SDC3: variants seen among roughly 807,000 people sequenced by gnomAD.
SDC3 encodes syndecan-3.
In SDC3, 13 loss-of-function variants were observed where a neutral mutation model predicts 24.4. The ratio of observed to expected loss-of-function variants is 0.53; its 90% CI spans 0.35 to 0.85. The LOEUF is 0.85. Among genes scored for constraint, SDC3 ranks in the 40% least tolerant of loss-of-function variants. SDC3 has a pLI of 0.01. For missense variants in SDC3, 571 were observed against 584.5 expected (o/e 0.98, Z 0.24); for synonymous variants, 295 against 260.9 (o/e 1.13, Z -1.26).
In SDC3 at chr1:30,871,639, C is replaced by T. The variant is rs1639540236; in HGVS notation, c.*1572G>A. ...GGCAGGTGGGCTGAGGTTGGCCTGC[C>T]AGGCAGAGGGCAGAGGGTGCGGAGG... On this transcript the variant is annotated 3_prime_UTR_variant, in exon 5 of 5. Transcript: ENST00000339394. The T allele has an allele frequency of 3.3e-5, 5 of 152,488 alleles. No homozygotes were observed. Among genetic ancestry groups the T allele is most frequent in the African/African-American group, 1.2e-4 (5 of 41,470 alleles). The allele number at this position is 152,488 out of a possible 1,614,324, so 9.4% of individuals were successfully genotyped here. A position where few individuals can be genotyped will look rare whatever the true frequency, so the allele number is the denominator to read the frequency against.
At chr1:30,882,693 G>A (rs1639764023) in intron 1 of SDC3, among the ~76,000 whole-genome samples, 1 of 152,092 alleles carries the variant, frequency 6.6e-6, no homozygotes, top group African/African-American at 2.4e-5. Context: ...GTTCAGGAAG[G>A]CCAGTGCATC....
intron 1 of SDC3, among the ~76,000 whole-genome samples, chr1:30,897,995 G>A (rs1401395741): frequency 2.6e-5 from 4 of 152,118 alleles, no homozygotes; most frequent in Admixed American, 6.5e-5. Flanking sequence ...GTACCCAAAT[G>A]CCTTGGTTTG....
chr1:30,902,736 G>A (rs1638440723), intron 1 of SDC3, among the ~76,000 whole-genome samples: 1 of 152,220 alleles, frequency 6.6e-6, no homozygotes, highest in African/African-American at 2.4e-5. Flanking sequence ...CTGCCCAGAT[G>A]TGGTGGTGGC....
At chr1:30,906,384 C>T (rs1169584405) in intron 1 of SDC3, among the ~76,000 whole-genome samples, 4 of 152,118 alleles carry the variant, frequency 2.6e-5, no homozygotes, top group Non-Finnish European at 4.4e-5. Context: ...ATCTGCCACC[C>T]AACACTGGGT....
At chr1:30,904,200 T>C (rs1411577851) in intron 1 of SDC3, among the ~76,000 whole-genome samples, 2 of 152,180 alleles carry the variant, frequency 1.3e-5, no homozygotes, top group East Asian at 1.9e-4. Flanking sequence ...ACTCCAGCCT[T>C]GGCGATAGAG....
intron 1 of SDC3, among the ~76,000 whole-genome samples, chr1:30,898,808 C>T (rs755928389): frequency 4.5e-4 from 69 of 152,228 alleles, no homozygotes; most frequent in Non-Finnish European, 9.1e-4. Flanking sequence ...ACCATTCACT[C>T]TTCCCATTTA....
In SDC3 at chr1:30,877,025, G is replaced by A. The variant is rs377656744; in HGVS notation, c.397C>T (p.Arg133Cys). 2.1e-5 allele frequency: 34 copies of A among 1,613,676 alleles called. No homozygotes were observed. Among genetic ancestry groups the A allele is most frequent in the Admixed American group, 6.7e-5 (4 of 59,998 alleles). ...CTGGTGGCTGGCTCCAGGGTGGGGC[G>A]CTCAGAGGGGAGCTCTTCAAATGGT... ...GTPFEELPSE[R>C]PTLEPATSPL... The change falls in exon 3 of 5, where the codon CGC becomes TGC. Residue 133 changes from arginine to cysteine, a missense_variant. Coordinates refer to ENST00000339394, the MANE Select transcript of SDC3 (RefSeq NM_014654.4).
intron 3 of SDC3, among the ~76,000 whole-genome samples, chr1:30,875,321 C>T (rs1045408041): frequency 2.0e-5 from 3 of 152,220 alleles, no homozygotes; most frequent in Non-Finnish European, 2.9e-5. Context: ...AATGGCTCCT[C>T]CAGCAACCTG....
chr1:30,908,367 G>C, intron 1 of SDC3, 82 bp downstream of exon 1: 4 of 817,114 alleles, frequency 4.9e-6, no homozygotes, highest in Non-Finnish European at 5.9e-6. Flanking sequence ...TCCCGGAGGG[G>C]GGGTCGCGGG....
chr1:30,887,861 C>T (rs1051990417), intron 1 of SDC3, among the ~76,000 whole-genome samples: 3 of 152,200 alleles, frequency 2.0e-5, no homozygotes, highest in African/African-American at 4.8e-5. Context: ...AGGCCCTGCT[C>T]TTCTCTGGCC....
At chr1:30,895,460 T>C (rs1188705381) in intron 1 of SDC3, among the ~76,000 whole-genome samples, 1 of 152,066 alleles carries the variant, frequency 6.6e-6, no homozygotes, top group Non-Finnish European at 1.5e-5. Context: ...AGAGGCCATG[T>C]AGGGGCTTCA....
intron 3 of SDC3, 32 bp from the exon 4 acceptor site, chr1:30,874,620 C>T (rs777064592): frequency 2.4e-5 from 39 of 1,600,996 alleles, no homozygotes; most frequent in Non-Finnish European, 3.3e-5. Flanking sequence ...CCCAGGACAA[C>T]CACACATGCA....
chr1:30,895,308 A>T (rs1418672118), intron 1 of SDC3, among the ~76,000 whole-genome samples: 1 of 152,200 alleles, frequency 6.6e-6, no homozygotes, highest in Non-Finnish European at 1.5e-5. Context: ...TGGAAAAAGG[A>T]TTACCTGGCC....
In SDC3 at chr1:30,876,664, G is replaced by A; in HGVS notation, c.758C>T (p.Thr253Ile). The change falls in exon 3 of 5, where the codon ACC becomes ATC. Residue 253 changes from threonine to isoleucine, a missense_variant. Coordinates refer to ENST00000339394, the MANE Select transcript of SDC3 (RefSeq NM_014654.4). ...APTPRLVSTA[T>I]SRPRALPRPA... ...CCTGGGAAGGGCTCTTGGCCGGGAG[G>A]TAGCTGTGCTGACCAGCCTGGGTGT... 1.3e-6 allele frequency: 2 copies of A among 1,599,996 alleles called. No homozygotes were observed. Among genetic ancestry groups the A allele is most frequent in the Non-Finnish European group, 8.5e-7 (1 of 1,172,824 alleles).
At chr1:30,877,288 C>A (rs1569994555) in intron 2 of SDC3, 123 bp from the exon 3 acceptor site, 1 of 1,304,886 alleles carries the variant, frequency 7.7e-7, no homozygotes. Context: ...ACCCAATTTT[C>A]CCAGAAAAGA....
At chr1:30,908,976 G>T (rs1226877868), upstream of SDC3, among the ~76,000 whole-genome samples, 2 of 151,616 alleles carry the variant, frequency 1.3e-5, no homozygotes, top group Non-Finnish European at 2.9e-5. Context: ...AGCCGGCCTC[G>T]CCGATCCCGG....
intron 1 of SDC3, among the ~76,000 whole-genome samples, chr1:30,885,808 C>G: frequency 6.6e-6 from 1 of 152,292 alleles, no homozygotes; most frequent in Non-Finnish European, 1.5e-5. Flanking sequence ...CTGGCTCAGC[C>G]GGGCTGGCCA....
chr1:30,876,504 G>GA, intron 3 of SDC3, 48 bp downstream of exon 3: 1 of 1,373,246 alleles, frequency 7.3e-7, no homozygotes, highest in Non-Finnish European at 9.8e-7. Context: ...TCCCTCCCCT[G>GA]ACCCACCCTC....
At position 30,870,073 on chromosome 1, in the gene SDC3, T is replaced by G. The variant is rs984727900; in HGVS notation, c.*3138A>C. Reference sequence around the variant, plus strand: ...GGGTTGTAGTTGTTGGGAGAAGAAATCCAGAGAACACAGGAGGCAGCCACT... The same window carrying G: ...GGGTTGTAGTTGTTGGGAGAAGAAAGCCAGAGAACACAGGAGGCAGCCACT... On this transcript the variant is annotated 3_prime_UTR_variant, in exon 5 of 5. Coordinates refer to ENST00000339394, the MANE Select transcript of SDC3 (RefSeq NM_014654.4). 1.0e-5 allele frequency: 4 copies of G among 396,460 alleles called. No homozygotes were observed. Among genetic ancestry groups the G allele is most frequent in the Non-Finnish European group, 1.8e-5 (4 of 225,422 alleles). 24.6% of individuals were successfully genotyped at this position (396,460 alleles called of 1,614,324 possible). A position where few individuals can be genotyped will look rare whatever the true frequency, so the allele number is the denominator to read the frequency against.
Sources: allele counts gnomAD v4.1 joint callset (sites outside exome capture counted in the v4.1 genomes callset), GRCh38; gene constraint gnomAD v4.1.1; transcripts MANE v1.5; gene names NCBI Gene and HGNC (gene_info 2026-07-23, HGNC 2026-07-21).